Variants in ITGA4 observed in about 807,000 individuals in gnomAD.
ITGA4 encodes the protein integrin subunit alpha 4.
Under a neutral mutation model 133.6 loss-of-function variants are expected in ITGA4, and 63 were observed. That is an observed-to-expected ratio of 0.47 (90% confidence interval 0.38 to 0.58). ITGA4 has a LOEUF of 0.58. Ranked by LOEUF, ITGA4 falls within the 20% of genes least tolerant of loss-of-function variation. ITGA4 has a pLI of 0.00. For synonymous variants in ITGA4, 483 were observed against 438.0 expected, an observed-to-expected ratio of 1.10 and a Z score of -1.28; for missense variants, 1,076 against 1,252.7, an observed-to-expected ratio of 0.86 and a Z score of 2.13.
At position 181,457,822 on chromosome 2, in the gene ITGA4, C is replaced by A. The variant is rs1035611970; in HGVS notation, c.168C>A (p.Val56=). ...ACAACACGCTGTTCGGCTACTCGGTCGTGCTGCACAGCCACGGGGCGAACC... is the reference window on the plus strand; with the variant it reads ...ACAACACGCTGTTCGGCTACTCGGTAGTGCTGCACAGCCACGGGGCGAACC... The part of the protein sequence containing the change: ...GPHNTLFGYS[V]VLHSHGANRW... Residue 56 remains valine, a synonymous_variant, in exon 1 of 28, where the codon GTC becomes GTA. Coordinates refer to ENST00000397033, the MANE Select transcript of ITGA4 (RefSeq NM_000885.6). 1.9e-6 allele frequency: 3 copies of A among 1,613,296 alleles called. No individual in the cohort carries two copies. In the East Asian group the frequency reaches 6.7e-5, roughly 36 times the overall value.
chr2:181,488,242 C>T (rs3770117), intron 10 of ITGA4, among the ~76,000 whole-genome samples: 6,989 of 152,110 alleles, frequency 0.046, 239 homozygotes, highest in South Asian at 0.13. Flanking sequence ...AGAGAGTGTT[C>T]GGTCGATGAG....
rs916658357 is a variant in ITGA4 at position 181,458,402 on chromosome 2, C to T, written c.319+85C>T. 9 of 1,499,144 alleles carry T rather than the reference C, an allele frequency of 6.0e-6. No homozygotes were observed. The African/African-American group carries it at 6.9e-5, about 12-fold the overall frequency. The allele number at this position is 1,499,144 out of a possible 1,614,324, so 92.9% of individuals were successfully genotyped here. ...ATAGGGCAAGTCCTGGAAAGATTCA[C>T]GTTGCCTGTTACTTCTGGTTTAAAG... is the stretch of plus-strand genomic sequence containing the variant. On this transcript the variant is annotated intron_variant, in intron 2 of 27. Coordinates refer to ENST00000397033, the MANE Select transcript of ITGA4 (RefSeq NM_000885.6).
chr2:181,516,228 A>G lies in ITGA4; in HGVS notation c.1922+4453A>G, dbSNP rs1686604456. On this transcript the variant is annotated intron_variant, in intron 17 of 27. Coordinates refer to ENST00000397033, the MANE Select transcript of ITGA4 (RefSeq NM_000885.6). This position sits in a 1 kb window ranked among gnomAD's most constrained non-coding sequence, Gnocchi z 4.0. ...TTCTGCACCTCAGTTGTGCTTCCAG[A>G]ATGAGTGATGTAAGCTTTCCCTGAA... Among the ~76,000 whole-genome samples the G allele has an allele frequency of 1.3e-5, 2 of 152,078 alleles. No homozygotes were observed. Among genetic ancestry groups the G allele is most frequent in the Admixed American group, 6.6e-5 (1 of 15,254 alleles).
chr2:181,492,627 A>G (rs1014131604), intron 10 of ITGA4, among the ~76,000 whole-genome samples: 1 of 152,160 alleles, frequency 6.6e-6, no homozygotes, highest in Non-Finnish European at 1.5e-5. Flanking sequence ...AGGTTTTCTT[A>G]TATTAGTTGA....
At chr2:181,465,152 C>T (rs1281593447) in intron 2 of ITGA4, among the ~76,000 whole-genome samples, 2 of 152,058 alleles carry the variant, frequency 1.3e-5, no homozygotes, top group African/African-American at 2.4e-5. Context: ...CAAGGTCTAC[C>T]TCACCACAAT....
At chr2:181,482,719 C>G (rs776685058) in intron 9 of ITGA4, 68 bp downstream of exon 9, 27 of 1,430,304 alleles carry the variant, frequency 1.9e-5, no homozygotes, top group Non-Finnish European at 2.6e-5. Flanking sequence ...TGGTCTTATT[C>G]CAGAGATCTG....
At chr2:181,472,406 C>T (rs746692021) in intron 2 of ITGA4, among the ~76,000 whole-genome samples, 4 of 152,098 alleles carry the variant, frequency 2.6e-5, no homozygotes, top group Admixed American at 1.3e-4. Flanking sequence ...TGGATGTAAT[C>T]GTAATGAAAG....
intron 4 of ITGA4, chr2:181,476,152 G>A (rs949972041): frequency 7.3e-5 from 16 of 219,078 alleles, no homozygotes; most frequent in African/African-American, 1.8e-4. Context: ...TTTTGCCTTC[G>A]GATACCCAAA....
intron 22 of ITGA4, among the ~76,000 whole-genome samples, chr2:181,527,927 G>A (rs1265782525): frequency 6.6e-6 from 1 of 152,100 alleles, no homozygotes; most frequent in African/African-American, 2.4e-5. Context: ...TAATTCAGAA[G>A]TATTAGGAGA....
chr2:181,493,283 G>T, intron 10 of ITGA4, 42 bp from the exon 11 acceptor site: 1 of 1,349,366 alleles, frequency 7.4e-7, no homozygotes, highest in South Asian at 1.2e-5. Context: ...TGCATTCTTT[G>T]TATCAAGAAT....
At position 181,534,865 on chromosome 2, in the gene ITGA4, T is replaced by C. The variant is rs763890044; in HGVS notation, c.2933T>C (p.Ile978Thr). Reference sequence around the variant, plus strand: ...CAAAGACCCAAACGTTATTTCACCATAGTGATTATTTCAAGTAGCTTGCTA... The same window carrying C: ...CAAAGACCCAAACGTTATTTCACCACAGTGATTATTTCAAGTAGCTTGCTA... The part of the protein sequence containing the change: ...HHQRPKRYFT[I>T]VIISSSLLLG... Residue 978 changes from isoleucine to threonine, a missense_variant, in exon 27 of 28, where the codon ATA becomes ACA. Coordinates refer to ENST00000397033, the MANE Select transcript of ITGA4 (RefSeq NM_000885.6). 2 of 1,601,712 alleles carry C rather than the reference T, an allele frequency of 1.2e-6. No homozygotes were observed. The highest frequency in any genetic ancestry group is 1.7e-6 in the Non-Finnish European group (2 of 1,175,924).
At chr2:181,462,962 T>C (rs536939756) in intron 2 of ITGA4, among the ~76,000 whole-genome samples, 1 of 152,316 alleles carries the variant, frequency 6.6e-6, no homozygotes, top group African/African-American at 2.4e-5. Context: ...ACATACTCCT[T>C]GTCCCAAAGG....
rs549617651 is a variant in ITGA4, at chr2:181,486,680, T to C, written c.1153+688T>C. Among the ~76,000 whole-genome samples, 6 of 152,332 alleles carry C rather than the reference T, an allele frequency of 3.9e-5. No individual in the cohort carries two copies. In the South Asian group the frequency reaches 1.0e-3, roughly 26 times the overall value. On this transcript the variant is annotated intron_variant, in intron 10 of 27. Coordinates refer to ENST00000397033, the MANE Select transcript of ITGA4 (RefSeq NM_000885.6). ...TGAAATCCCTGCATCTACTAGCATT[T>C]ACTGTTAAAAATTTGCTTTTATCAA...
chr2:181,514,813 C>G (rs1179084162), intron 17 of ITGA4, among the ~76,000 whole-genome samples: 1 of 152,016 alleles, frequency 6.6e-6, no homozygotes, highest in African/African-American at 2.4e-5. Context: ...TGCTTCTTTC[C>G]TGAATAATGA....
At chr2:181,475,776 T>G in intron 4 of ITGA4, 1 of 1,569,110 alleles carries the variant, frequency 6.4e-7, no homozygotes, top group South Asian at 1.2e-5. Flanking sequence ...GAGATTCGTG[T>G]CTTGAGTTTG....
intron 21 of ITGA4, among the ~76,000 whole-genome samples, 194 bp downstream of exon 21, chr2:181,525,485 A>T (rs1364911010): frequency 6.6e-6 from 1 of 152,176 alleles, no homozygotes; most frequent in South Asian, 2.1e-4. Flanking sequence ...ATCATCACTG[A>T]TACTACATCA....
chr2:181,531,064 G>A (rs1346504937), intron 24 of ITGA4, among the ~76,000 whole-genome samples: 5 of 151,762 alleles, frequency 3.3e-5, no homozygotes, highest in African/African-American at 4.8e-5. Flanking sequence ...GCAGTGAGCC[G>A]AGATCACGCC....
chr2:181,480,117 TAG>T lies in ITGA4; in HGVS notation c.625-19_625-18del, dbSNP rs1491072051. 3 of 1,384,066 alleles carry T rather than the reference TAG, an allele frequency of 2.2e-6. No individual in the cohort carries two copies. Among genetic ancestry groups the T allele is most frequent in the Admixed American group, 3.1e-5 (1 of 32,158 alleles). The allele number at this position is 1,384,066 out of a possible 1,614,324, so 85.7% of individuals were successfully genotyped here. A position where few individuals can be genotyped will look rare whatever the true frequency, so the allele number is the denominator to read the frequency against. On this transcript the variant is annotated intron_variant, in intron 5 of 27. Transcript: ENST00000397033. ...GGTGAGATTAAAGTTTAAATAATAA[TAG>T]TTTTTTTTTTCTTACAGGATTTAAT... is the stretch of plus-strand genomic sequence containing the variant.
intron 15 of ITGA4, among the ~76,000 whole-genome samples, chr2:181,500,706 G>T (rs981347113): frequency 6.6e-5 from 10 of 152,170 alleles, no homozygotes; most frequent in Admixed American, 6.6e-4. Flanking sequence ...CTGTCTGTTG[G>T]TTGGACATGG....
Sources: allele counts gnomAD v4.1 joint callset (sites outside exome capture counted in the v4.1 genomes callset), GRCh38; gene constraint gnomAD v4.1.1; non-coding constraint Gnocchi (gnomAD v3.1); transcripts MANE v1.5; gene names NCBI Gene and HGNC (gene_info 2026-07-23, HGNC 2026-07-21).